The following BRAF variants were observed in gnomAD, a reference collection of about 807,000 sequenced individuals.
BRAF encodes the protein serine/threonine-protein kinase B-raf.
Under a neutral mutation model 104.6 loss-of-function variants are expected in BRAF, and 16 were observed. The ratio of observed to expected loss-of-function variants is 0.15; its 90% confidence interval spans 0.10 to 0.23. The LOEUF is 0.23. Ranked by LOEUF, BRAF falls within the 10% of genes least tolerant of loss-of-function variation. The pLI is 1.00. For missense variants in BRAF, 541 were observed against 937.3 expected (o/e 0.58, Z 5.52); for synonymous variants, 310 against 341.6 (o/e 0.91, Z 1.02).
intron 14 of BRAF, among the ~76,000 whole-genome samples, chr7:140,763,545 C>T (rs1168519986): frequency 6.6e-6 from 1 of 152,170 alleles, no homozygotes; most frequent in African/African-American, 2.4e-5. Context: ...TGATAGACCA[C>T]TAGCAAGACT....
chr7:140,761,516 A>C (rs1798733174), intron 14 of BRAF, among the ~76,000 whole-genome samples: 1 of 152,146 alleles, frequency 6.6e-6, no homozygotes, highest in South Asian at 2.1e-4. Context: ...TCATAATGAC[A>C]GGATCAAATT....
chr7:140,734,817 AAAAAAAG>A, intron 18 of BRAF, 47 bp from the exon 18 acceptor site: 1 of 1,428,800 alleles, frequency 7.0e-7, no homozygotes, highest in Non-Finnish European at 9.1e-7. Flanking sequence ...GAAAAAAGAA[AAAAAAAG>A]AAAGAAAGAA....
intron 1 of BRAF, among the ~76,000 whole-genome samples, chr7:140,899,097 A>G (rs937472323): frequency 6.6e-6 from 1 of 152,078 alleles, no homozygotes; most frequent in Admixed American, 6.6e-5. Flanking sequence ...GTTATGAGCA[A>G]TCTTATATAT....
the BRAF span, among the ~76,000 whole-genome samples, chr7:140,713,916 A>G: frequency 1.3e-5 from 2 of 152,118 alleles, no homozygotes; most frequent in Non-Finnish European, 2.9e-5. Context: ...GTGGCTGCAG[A>G]ATAGTGTATA....
At chr7:140,885,473 T>C (rs1813460855) in intron 1 of BRAF, among the ~76,000 whole-genome samples, 1 of 152,200 alleles carries the variant, frequency 6.6e-6, no homozygotes, top group South Asian at 2.1e-4. Context: ...AATAGTATCT[T>C]AGTAGGATTA....
chr7:140,875,922 A>G (rs1812192057), intron 1 of BRAF, among the ~76,000 whole-genome samples: 1 of 152,232 alleles, frequency 6.6e-6, no homozygotes, highest in Non-Finnish European at 1.5e-5. Flanking sequence ...CTACCAGCAG[A>G]CCTGTTCTAA....
At chr7:140,881,762 T>C (rs1812946531) in intron 1 of BRAF, among the ~76,000 whole-genome samples, 1 of 152,202 alleles carries the variant, frequency 6.6e-6, no homozygotes, top group Admixed American at 6.5e-5. Context: ...GAGTTATTAA[T>C]TGGCCTAACT....
chr7:140,886,448 A>G (rs980402544), intron 1 of BRAF, among the ~76,000 whole-genome samples: 12 of 152,190 alleles, frequency 7.9e-5, no homozygotes, highest in African/African-American at 2.9e-4. Context: ...TACAGAGTGC[A>G]AGATCTGAAA....
chr7:140,899,900 C>T (rs1343529192), intron 1 of BRAF, among the ~76,000 whole-genome samples: 4 of 152,146 alleles, frequency 2.6e-5, no homozygotes, highest in African/African-American at 4.8e-5. Context: ...TGATGGGGTG[C>T]CACTTCCAAG....
At chr7:140,742,401 C>A (rs1197635004) in intron 17 of BRAF, among the ~76,000 whole-genome samples, 1 of 151,942 alleles carries the variant, frequency 6.6e-6, no homozygotes, top group Non-Finnish European at 1.5e-5. Flanking sequence ...ACCATGTTGG[C>A]CAGGCTGGTC....
At position 140,804,769 on chromosome 7, in the gene BRAF, C is replaced by T. The variant is rs567176205; in HGVS notation, c.711+3191G>A. 2.5e-3 allele frequency among the ~76,000 whole-genome samples: 383 copies of T among 152,152 alleles called. 2 individuals are homozygous for T. Among genetic ancestry groups the T allele is most frequent in the Non-Finnish European group, 4.8e-3 (327 of 67,982 alleles). The stretch of plus-strand genomic sequence containing the variant: ...GCTACATGTAAATTTTTTTATGATA[C>T]ATTAAATAGATTTCAACATCAAAAG... On this transcript the variant is annotated intron_variant, in intron 5 of 19. Coordinates refer to ENST00000644969, the MANE Select transcript of BRAF (RefSeq NM_001374258.1).
At chr7:140,754,848 G>A (rs1798071376) in intron 14 of BRAF, among the ~76,000 whole-genome samples, 1 of 152,132 alleles carries the variant, frequency 6.6e-6, no homozygotes, top group African/African-American at 2.4e-5. Context: ...ATTTTTAAAG[G>A]TAGTTGTCAT....
At chr7:140,816,679 A>G (rs1804915548) in intron 3 of BRAF, among the ~76,000 whole-genome samples, 1 of 152,156 alleles carries the variant, frequency 6.6e-6, no homozygotes. Flanking sequence ...CATTCTTTCA[A>G]AAATACTTAC....
intron 12 of BRAF, among the ~76,000 whole-genome samples, chr7:140,779,480 A>T (rs1001971123): frequency 6.6e-6 from 1 of 152,012 alleles, no homozygotes; most frequent in African/African-American, 2.4e-5. Flanking sequence ...CAAATTTCAA[A>T]TTTTTTCTGA....
chr7:140,920,344 G>T (rs1818084735), intron 1 of BRAF, among the ~76,000 whole-genome samples: 1 of 152,182 alleles, frequency 6.6e-6, no homozygotes, highest in African/African-American at 2.4e-5. Flanking sequence ...GAACACAAAA[G>T]TAGTCATCGC....
chr7:140,788,952 T>A (rs192768240), intron 8 of BRAF, among the ~76,000 whole-genome samples: 1 of 151,696 alleles, frequency 6.6e-6, no homozygotes, highest in East Asian at 2.0e-4. Flanking sequence ...GGCTCAAGCC[T>A]GTAATACCAG....
intron 1 of BRAF, among the ~76,000 whole-genome samples, chr7:140,884,623 G>A (rs967166317): frequency 2.6e-5 from 4 of 151,896 alleles, no homozygotes; most frequent in Non-Finnish European, 5.9e-5. Context: ...AGGACTACAG[G>A]CACACACCAT....
intron 8 of BRAF, among the ~76,000 whole-genome samples, chr7:140,793,496 A>C (rs1802186058): frequency 6.6e-6 from 1 of 151,962 alleles, no homozygotes; most frequent in African/African-American, 2.4e-5. Context: ...ACAAAATTAA[A>C]ATTTATAAGT....
At chr7:140,754,794 TTGGAA>T (rs1266503800) in intron 14 of BRAF, among the ~76,000 whole-genome samples, 1 of 152,228 alleles carries the variant, frequency 6.6e-6, no homozygotes, top group Non-Finnish European at 1.5e-5. Flanking sequence ...TCACTTCTAT[TTGGAA>T]TGTAAACTAC....
Sources: gnomAD v4.1 joint callset for allele counts (sites outside exome capture counted in the v4.1 genomes callset) on GRCh38, gnomAD v4.1.1 for gene constraint, MANE v1.5 for transcripts, NCBI Gene and HGNC (gene_info 2026-07-23, HGNC 2026-07-21) for gene names.